Variants in OXSR1 observed in about 807,000 individuals in gnomAD.
OXSR1 encodes oxidative stress responsive kinase 1.
Under a neutral mutation model 79.8 loss-of-function variants are expected in OXSR1, and 24 were observed. The ratio of observed to expected loss-of-function variants is 0.30; its 90% confidence interval spans 0.22 to 0.42. The LOEUF (loss-of-function observed/expected upper bound fraction) is 0.42, where lower values mean the gene tolerates loss of function less well. Ranked by LOEUF, OXSR1 falls within the 10% of genes least tolerant of loss-of-function variation. The pLI is 1.00. For missense variants in OXSR1, 430 were observed against 618.4 expected (o/e 0.70, Z 3.23); for synonymous variants, 226 against 209.2 (o/e 1.08, Z -0.69).
rs1701441497 is a variant in OXSR1, at chr3:38,165,927, C to T, written c.51C>T (p.Tyr17=). ...ALPWSINRDD[Y]ELQEVIGSGA... ...CCTGGTCCATCAACAGGGACGATTA[C>T]GAGCTGCAGGAGGTGATCGGTGAGA... The change falls in exon 1 of 18, where the codon TAC becomes TAT. Residue 17 remains tyrosine (Y), a synonymous_variant. Transcript: ENST00000311806. 1.9e-6 allele frequency: 3 copies of T among 1,611,558 alleles called. No individual in the cohort carries two copies. The highest frequency in any genetic ancestry group is 2.2e-5 in the East Asian group (1 of 44,822).
rs553314632 is a variant in OXSR1, at chr3:38,173,893, A to G, written c.70+7947A>G. ...GCAGGGAAAGGGGTTAGGGACTGCT[A>G]GGGGTGGAGGTGGGGTTTCAGTTTT... On this transcript the variant is annotated intron_variant, in intron 1 of 17. Coordinates refer to ENST00000311806, the MANE Select transcript of OXSR1 (RefSeq NM_005109.3). 2.0e-5 allele frequency among the ~76,000 whole-genome samples: 3 copies of G among 152,290 alleles called. No homozygotes were observed. The South Asian group carries it at 6.2e-4, about 32-fold the overall frequency.
At chr3:38,213,519 A>T (rs918121912) in intron 4 of OXSR1, among the ~76,000 whole-genome samples, 8 of 152,154 alleles carry the variant, frequency 5.3e-5, no homozygotes, top group Non-Finnish European at 1.0e-4. Flanking sequence ...CTGAAAAAGG[A>T]CATTAGTTAA....
intron 10 of OXSR1, 45 bp downstream of exon 10, chr3:38,230,475 T>A: frequency 7.7e-7 from 1 of 1,305,588 alleles, no homozygotes. Flanking sequence ...TTTACTTTAT[T>A]TTTGCATTTT....
chr3:38,185,589 A>C (rs1028285978), intron 2 of OXSR1, among the ~76,000 whole-genome samples: 1 of 152,090 alleles, frequency 6.6e-6, no homozygotes, highest in African/African-American at 2.4e-5. Flanking sequence ...CTGTCTCAAA[A>C]AACAAACAAG....
rs190809120 is a variant in OXSR1 at position 38,242,670 on chromosome 3, A to C, written c.1075-73A>C. The C allele has an allele frequency of 1.6e-3, 1,220 of 763,272 alleles. 9 individuals are homozygous for C. Among genetic ancestry groups the C allele is most frequent in the East Asian group, 8.7e-3 (306 of 35,148 alleles). The allele number at this position is 763,272 out of a possible 1,614,324, so 47.3% of individuals were successfully genotyped here. Reference sequence around the variant, plus strand: ...ATGGAGTTGATTTGCATTTAACATCACTTGCAGTTTGGGACTGACTACAAG... The same window carrying C: ...ATGGAGTTGATTTGCATTTAACATCCCTTGCAGTTTGGGACTGACTACAAG... On this transcript the variant is annotated intron_variant, in intron 11 of 17. Transcript: ENST00000311806.
At chr3:38,178,618 A>ATTTTTT (rs1309546030) in intron 1 of OXSR1, among the ~76,000 whole-genome samples, 1 of 86,744 alleles carries the variant, frequency 1.2e-5, no homozygotes, top group African/African-American at 5.3e-5. Context: ...ATATATATAT[A>ATTTTTT]TATTTTTTTT....
intron 15 of OXSR1, among the ~76,000 whole-genome samples, chr3:38,250,955 A>G (rs1017704648): frequency 6.6e-6 from 1 of 152,178 alleles, no homozygotes; most frequent in Non-Finnish European, 1.5e-5. Context: ...CATTGCTCAG[A>G]TTGTACCACC....
At chr3:38,223,684 A>G (rs754350436) in intron 6 of OXSR1, 128 bp from the exon 7 acceptor site, 4 of 530,144 alleles carry the variant, frequency 7.5e-6, no homozygotes, top group South Asian at 2.9e-5. Context: ...TCCCAACCTC[A>G]GGTGATTCGC....
chr3:38,213,159 G>C (rs1325303815), intron 4 of OXSR1, among the ~76,000 whole-genome samples: 1 of 152,090 alleles, frequency 6.6e-6, no homozygotes, highest in East Asian at 1.9e-4. Flanking sequence ...TGTATATATG[G>C]CTTTAAAAAT....
chr3:38,235,652 G>C (rs1702903877), intron 10 of OXSR1, among the ~76,000 whole-genome samples: 1 of 152,192 alleles, frequency 6.6e-6, no homozygotes, highest in African/African-American at 2.4e-5. Flanking sequence ...AGTCTTCCAG[G>C]GAGGGGGGAA....
At chr3:38,248,747 C>T (rs1048340473) in intron 14 of OXSR1, among the ~76,000 whole-genome samples, 1 of 152,136 alleles carries the variant, frequency 6.6e-6, no homozygotes, top group Non-Finnish European at 1.5e-5. Context: ...ACTTAGTATA[C>T]CTGGTCTCAT....
At chr3:38,207,442 C>CGGAA (rs1702287861) in intron 4 of OXSR1, among the ~76,000 whole-genome samples, 1 of 152,046 alleles carries the variant, frequency 6.6e-6, no homozygotes, top group Non-Finnish European at 1.5e-5. Context: ...CACATTTCAG[C>CGGAA]GGAAGGAAGG....
intron 3 of OXSR1, among the ~76,000 whole-genome samples, chr3:38,195,863 A>T (rs1702064733): frequency 6.6e-6 from 1 of 152,226 alleles, no homozygotes; most frequent in Non-Finnish European, 1.5e-5. Context: ...GGAATAGATG[A>T]TCTACATTTA....
At chr3:38,250,153 T>C in intron 15 of OXSR1, 135 bp downstream of exon 15, 1 of 636,716 alleles carries the variant, frequency 1.6e-6, no homozygotes, top group South Asian at 1.9e-5. Context: ...GGCGAGTATA[T>C]GAGTGAGATA....
chr3:38,253,995 A>G lies in OXSR1; in HGVS notation c.*1104A>G, dbSNP rs1703310968. The G allele has an allele frequency of 2.6e-6, 1 of 390,726 alleles. No individual in the cohort carries two copies. The highest frequency in any genetic ancestry group is 2.1e-5 in the African/African-American group (1 of 48,394). The allele number at this position is 390,726 out of a possible 1,614,324, so 24.2% of individuals were successfully genotyped here. Reference sequence around the variant, plus strand: ...GTAGACAGTGTTCATTTGATTTTCTACAGAAATAATATAAATTATTCTTTA... The same window carrying G: ...GTAGACAGTGTTCATTTGATTTTCTGCAGAAATAATATAAATTATTCTTTA... On this transcript the variant is annotated 3_prime_UTR_variant, in exon 18 of 18. Transcript: ENST00000311806.
At chr3:38,235,823 A>G (rs1331951543) in intron 10 of OXSR1, among the ~76,000 whole-genome samples, 2 of 152,202 alleles carry the variant, frequency 1.3e-5, no homozygotes, top group Non-Finnish European at 2.9e-5. Context: ...GAATCAAGAT[A>G]AGTTCAGAAA....
chr3:38,165,857 C>G lies in OXSR1; in HGVS notation c.-20C>G, dbSNP rs573227832. 6.2e-7 allele frequency: 1 copy of G among 1,603,096 alleles called. No homozygotes were observed. The highest frequency in any genetic ancestry group is 1.1e-5 in the South Asian group (1 of 89,598). ...GAGGTCAGCGAGTTTGAGGGAGGACCGCGAGCCGCTGCCGCCGTCATGTCC... is the reference window on the plus strand; with the variant it reads ...GAGGTCAGCGAGTTTGAGGGAGGACGGCGAGCCGCTGCCGCCGTCATGTCC... On this transcript the variant is annotated 5_prime_UTR_variant, in exon 1 of 18. Coordinates refer to ENST00000311806, the MANE Select transcript of OXSR1 (RefSeq NM_005109.3).
At chr3:38,250,126 A>C in intron 15 of OXSR1, 108 bp downstream of exon 15, 2 of 796,712 alleles carry the variant, frequency 2.5e-6, no homozygotes, top group South Asian at 3.1e-5. Context: ...AAGGATAATA[A>C]AAATTTTCCT....
At position 38,253,062 on chromosome 3, in the gene OXSR1, A is replaced by G. The variant is rs1443305278; in HGVS notation, c.*171A>G. On this transcript the variant is annotated 3_prime_UTR_variant, in exon 18 of 18. Transcript: ENST00000311806. ...ATCATTCCTCCTTTTCCCACAGGGA[A>G]AGAAAAGTTGGATCACTAGTGGCCA... 1 of 606,930 alleles carries G rather than the reference A, an allele frequency of 1.6e-6. No homozygotes were observed. The highest frequency in any genetic ancestry group is 2.9e-6 in the Non-Finnish European group (1 of 342,670). The allele number at this position is 606,930 out of a possible 1,614,324, so 37.6% of individuals were successfully genotyped here.
Sources: gnomAD v4.1 joint callset for allele counts (sites outside exome capture counted in the v4.1 genomes callset) on GRCh38, gnomAD v4.1.1 for gene constraint, MANE v1.5 for transcripts, NCBI Gene and HGNC (gene_info 2026-07-23, HGNC 2026-07-21) for gene names.